The following ADAMTS20 variants were observed in gnomAD, a reference collection of about 807,000 sequenced individuals.
ADAMTS20 encodes the protein ADAM metallopeptidase with thrombospondin type 1 motif 20.
A neutral mutation model predicts 260.1 loss-of-function variants in ADAMTS20; 225 were observed. That is an observed-to-expected ratio of 0.87 (90% CI 0.78 to 0.97). The LOEUF is 0.97. Ranked by LOEUF, ADAMTS20 falls within the 50% of genes least tolerant of loss-of-function variation. ADAMTS20 has a pLI of 0.00. For missense variants in ADAMTS20, 2,400 were observed against 2,337.7 expected, an observed-to-expected ratio of 1.03 and a Z score of -0.55; for synonymous variants, 802 against 769.5, an observed-to-expected ratio of 1.04 and a Z score of -0.70.
chr12:43,395,343 T>C (rs1020176090), intron 29 of ADAMTS20, among the ~76,000 whole-genome samples: 168 of 152,246 alleles, frequency 1.1e-3, no homozygotes, highest in Non-Finnish European at 9.6e-4. Context: ...TTATAAAACA[T>C]ATATGTATAT....
intron 36 of ADAMTS20, among the ~76,000 whole-genome samples, chr12:43,372,626 T>G (rs116632505): frequency 4.1e-4 from 62 of 152,312 alleles, no homozygotes; most frequent in African/African-American, 1.4e-3. Flanking sequence ...TGTTTCTCTA[T>G]GAAGAATTTA....
chr12:43,467,228 C>A lies in ADAMTS20; in HGVS notation c.1224-433G>T, dbSNP rs190320669. Among the ~76,000 whole-genome samples, 188 of 152,178 alleles carry A rather than the reference C, an allele frequency of 1.2e-3. 2 individuals carry two copies. Among genetic ancestry groups the A allele is most frequent in the East Asian group, 5.4e-3 (28 of 5,182 alleles). ...AACTTCGTGAATCCCCAATTCTCACCATTCTACAGTATCCATCTATTTTAT... is the reference window on the plus strand; with the variant it reads ...AACTTCGTGAATCCCCAATTCTCACAATTCTACAGTATCCATCTATTTTAT... On this transcript the variant is annotated intron_variant, in intron 8 of 38. Coordinates refer to ENST00000389420, the MANE Select transcript of ADAMTS20 (RefSeq NM_025003.5).
chr12:43,407,333 T>C (rs1444196084), intron 28 of ADAMTS20, among the ~76,000 whole-genome samples: 3 of 151,524 alleles, frequency 2.0e-5, no homozygotes, highest in Admixed American at 1.3e-4. Context: ...ATTGTAATAA[T>C]AATATATAAT....
intron 3 of ADAMTS20, among the ~76,000 whole-genome samples, chr12:43,509,144 T>C (rs1425135487): frequency 6.6e-6 from 1 of 152,170 alleles, no homozygotes; most frequent in Non-Finnish European, 1.5e-5. Flanking sequence ...ATTTTCTCTT[T>C]CCAGTCTATC....
chr12:43,502,518 T>C (rs976440229), intron 3 of ADAMTS20, 113 bp from the exon 4 acceptor site: 2 of 964,344 alleles, frequency 2.1e-6, no homozygotes, highest in Non-Finnish European at 3.0e-6. Context: ...GTTCCCAACA[T>C]GAAAATAAAA....
chr12:43,388,296 T>C (rs1193421152), intron 29 of ADAMTS20, among the ~76,000 whole-genome samples: 1 of 152,116 alleles, frequency 6.6e-6, no homozygotes, highest in Admixed American at 6.5e-5. Context: ...TCCTGACCCC[T>C]TGTGCTTCCC....
At chr12:43,508,018 G>GA (rs1369561331) in intron 3 of ADAMTS20, among the ~76,000 whole-genome samples, 3 of 151,760 alleles carry the variant, frequency 2.0e-5, no homozygotes, top group Admixed American at 6.6e-5. Flanking sequence ...GAGAGGAGCA[G>GA]AAAAAAAATA....
intron 31 of ADAMTS20, among the ~76,000 whole-genome samples, chr12:43,380,040 C>T (rs1329558643): frequency 1.3e-5 from 2 of 150,648 alleles, no homozygotes; most frequent in East Asian, 3.9e-4. Context: ...TAAAGTTCTA[C>T]AACAAAACAC....
chr12:43,433,277 T>C (rs1459845805), intron 19 of ADAMTS20, among the ~76,000 whole-genome samples: 2 of 152,210 alleles, frequency 1.3e-5, no homozygotes, highest in East Asian at 3.8e-4. Context: ...ATTCCTGTAA[T>C]CTATATTTAG....
chr12:43,455,524 C>T (rs1941948351), intron 11 of ADAMTS20, among the ~76,000 whole-genome samples: 1 of 152,106 alleles, frequency 6.6e-6, no homozygotes, highest in African/African-American at 2.4e-5. Context: ...AGGCATTAAA[C>T]CCACCGGTGA....
chr12:43,440,753 C>T (rs747297167), intron 16 of ADAMTS20, among the ~76,000 whole-genome samples: 7 of 152,112 alleles, frequency 4.6e-5, no homozygotes, highest in Admixed American at 1.3e-4. Context: ...GAAGGAGCAG[C>T]CAGACTGCTG....
At chr12:43,536,409 A>G (rs1943295544) in intron 2 of ADAMTS20, among the ~76,000 whole-genome samples, 1 of 152,214 alleles carries the variant, frequency 6.6e-6, no homozygotes, top group Non-Finnish European at 1.5e-5. Flanking sequence ...CGATACAGAG[A>G]TAAATGTGAC....
chr12:43,495,094 T>C (rs1942658566), intron 4 of ADAMTS20, among the ~76,000 whole-genome samples: 1 of 152,208 alleles, frequency 6.6e-6, no homozygotes, highest in African/African-American at 2.4e-5. Flanking sequence ...TAATATCAGC[T>C]ATAAAATATA....
intron 4 of ADAMTS20, among the ~76,000 whole-genome samples, chr12:43,500,804 C>T (rs1258061051): frequency 3.9e-5 from 6 of 151,998 alleles, no homozygotes; most frequent in African/African-American, 9.7e-5. Context: ...GTTTAGGCAA[C>T]GTAGACTATG....
intron 3 of ADAMTS20, among the ~76,000 whole-genome samples, chr12:43,513,332 A>G (rs1942950861): frequency 6.6e-6 from 1 of 152,302 alleles, no homozygotes; most frequent in African/African-American, 2.4e-5. Flanking sequence ...TATAAGACAC[A>G]CTTCCCTTAA....
chr12:43,407,584 A>G (rs560446103), intron 28 of ADAMTS20, among the ~76,000 whole-genome samples: 7 of 152,134 alleles, frequency 4.6e-5, no homozygotes, highest in South Asian at 2.1e-4. Flanking sequence ...AACTTATGCA[A>G]GTATCTTGTA....
At chr12:43,541,538 C>T (rs894232054) in intron 2 of ADAMTS20, among the ~76,000 whole-genome samples, 5 of 152,072 alleles carry the variant, frequency 3.3e-5, no homozygotes, top group African/African-American at 7.2e-5. Flanking sequence ...GTTATATAAT[C>T]GAAGACCACA....
chr12:43,376,431 G>GT, intron 33 of ADAMTS20, 93 bp downstream of exon 33: 5 of 1,459,106 alleles, frequency 3.4e-6, no homozygotes, highest in East Asian at 2.4e-5. Context: ...CTGACACTTT[G>GT]TTTTGTGGAG....
intron 37 of ADAMTS20, among the ~76,000 whole-genome samples, chr12:43,363,989 T>C (rs369897114): frequency 6.6e-6 from 1 of 152,128 alleles, no homozygotes; most frequent in African/African-American, 2.4e-5. Context: ...ATGATATCAG[T>C]AGAGACAGAC....
Sources: gnomAD v4.1 joint callset for allele counts (sites outside exome capture counted in the v4.1 genomes callset) on GRCh38, gnomAD v4.1.1 for gene constraint, MANE v1.5 for transcripts, NCBI Gene and HGNC (gene_info 2026-07-23, HGNC 2026-07-21) for gene names.